The following PPFIBP2 variants were observed in gnomAD, a reference collection of about 807,000 sequenced individuals.
PPFIBP2 encodes the protein liprin-beta-2.
PPFIBP2 carries 118 observed loss-of-function variants against 118.3 expected under a neutral mutation model. The ratio of observed to expected loss-of-function variants is 1.00; its 90% CI spans 0.86 to 1.16. The LOEUF (loss-of-function observed/expected upper bound fraction) is 1.16, where lower values mean the gene tolerates loss of function less well. Among genes scored for constraint, PPFIBP2 ranks in the 50% most tolerant of loss-of-function variants. PPFIBP2 has a pLI of 0.00. For missense variants in PPFIBP2, 1,195 were observed against 1,073.1 expected (o/e 1.11, Z -1.59); for synonymous variants, 414 against 397.4 (o/e 1.04, Z -0.50).
intron 22 of PPFIBP2, 161 bp from the exon 23 acceptor site, chr11:7,651,495 C>T: frequency 4.8e-6 from 3 of 623,166 alleles, no homozygotes; most frequent in Admixed American, 5.8e-5. Context: ...GAGCCAGGCC[C>T]TGTGCCAGCC....
At chr11:7,590,967 C>A (rs190587089) in intron 3 of PPFIBP2, among the ~76,000 whole-genome samples, 1 of 152,156 alleles carries the variant, frequency 6.6e-6, no homozygotes, top group African/African-American at 2.4e-5. Flanking sequence ...TACTGATCTG[C>A]GGATCCTGTT....
chr11:7,651,863 CTGGGTGGGCCCT>C lies in PPFIBP2; in HGVS notation c.2436+20_2436+31del, dbSNP rs749157704. 5.0e-6 allele frequency: 8 copies of C among 1,598,774 alleles called. No homozygotes were observed. In the South Asian group the frequency reaches 8.9e-5, roughly 18 times the overall value. On this transcript the variant is annotated intron_variant, in intron 23 of 23. Transcript: ENST00000299492. Reference sequence around the variant, plus strand: ...AGTCCGGGTGAGTTGCAGAGCCTTTCTGGGTGGGCCCTGGGCTGCCTCCTGGCCCTCACGCAG... The same window carrying C: ...AGTCCGGGTGAGTTGCAGAGCCTTTCGGGCTGCCTCCTGGCCCTCACGCAG...
chr11:7,610,547 A>G (rs1264854928), intron 6 of PPFIBP2, 125 bp downstream of exon 6: 1 of 1,324,578 alleles, frequency 7.5e-7, no homozygotes, highest in South Asian at 1.4e-5. Flanking sequence ...TACACTAGAG[A>G]TGCAGTGATC....
rs749668174 is a variant in PPFIBP2, at chr11:7,593,118, T to TC, written c.280-13dup. The TC allele has an allele frequency of 1.9e-6, 3 of 1,607,002 alleles. No individual in the cohort carries two copies. The South Asian group carries it at 3.4e-5, about 18-fold the overall frequency. ...AACCTTTTAAGTGTATTCTTTTTTT[T>TC]CTGTCCTCTTTAGTCCCAGGTAAAC... On this transcript the variant is annotated splice_polypyrimidine_tract_variant and intron_variant, in intron 3 of 23. Transcript: ENST00000299492.
intron 6 of PPFIBP2, among the ~76,000 whole-genome samples, chr11:7,617,616 GT>G (rs1848818060): frequency 6.6e-6 from 1 of 152,154 alleles, no homozygotes. Context: ...CCCTTCTCAG[GT>G]ATGTGACTCA....
Position 7,653,057 on chromosome 11 carries a change from A to C in PPFIBP2, c.2470A>C (p.Ile824Leu), listed in dbSNP as rs1368387721. 2.5e-6 allele frequency: 4 copies of C among 1,613,054 alleles called. No homozygotes were observed. In the African/African-American group the frequency reaches 5.3e-5, roughly 22 times the overall value. ...RKLGFSHFGNIRKKKFDESTD... is the reference protein window; with the variant it reads ...RKLGFSHFGNLRKKKFDESTD... Reference sequence around the variant, plus strand: ...ACTAGGATTTTCACACTTCGGAAACATAAGAAAAAAGAAGTTCGATGAATC... The same window carrying C: ...ACTAGGATTTTCACACTTCGGAAACCTAAGAAAAAAGAAGTTCGATGAATC... Residue 824 changes from isoleucine (I) to leucine (L), a missense_variant, in exon 24 of 24, where the codon ATA becomes CTA. Transcript: ENST00000299492.
intron 3 of PPFIBP2, among the ~76,000 whole-genome samples, chr11:7,589,418 C>G (rs1858822461): frequency 1.3e-5 from 2 of 152,092 alleles, no homozygotes; most frequent in Non-Finnish European, 2.9e-5. Context: ...GTGGTGAAAC[C>G]CCATCTCTAC....
At chr11:7,557,067 G>A (rs1564969664) in intron 2 of PPFIBP2, among the ~76,000 whole-genome samples, 1 of 152,122 alleles carries the variant, frequency 6.6e-6, no homozygotes, top group Admixed American at 6.5e-5. Context: ...CTGAAGAATT[G>A]TGTTGGACCT....
chr11:7,591,270 C>T (rs1032198257), intron 3 of PPFIBP2, among the ~76,000 whole-genome samples: 1 of 151,914 alleles, frequency 6.6e-6, no homozygotes, highest in African/African-American at 2.4e-5. Flanking sequence ...GGTCTTCTCT[C>T]CTTCATTTCC....
At chr11:7,558,457 G>A (rs577078681) in intron 2 of PPFIBP2, among the ~76,000 whole-genome samples, 3 of 152,282 alleles carry the variant, frequency 2.0e-5, no homozygotes, top group South Asian at 2.1e-4. Flanking sequence ...TTTCGAAAGC[G>A]ATCATTAAAA....
intron 4 of PPFIBP2, chr11:7,597,092 A>C: frequency 8.2e-7 from 1 of 1,216,048 alleles, no homozygotes; most frequent in Non-Finnish European, 1.1e-6. Flanking sequence ...GCATCAAAAC[A>C]CTCACCTGAT....
At chr11:7,549,837 T>C (rs1037690717) in intron 2 of PPFIBP2, among the ~76,000 whole-genome samples, 5 of 152,180 alleles carry the variant, frequency 3.3e-5, no homozygotes, top group African/African-American at 1.2e-4. Flanking sequence ...TGAGACTGAT[T>C]CTAATGTAAA....
intron 1 of PPFIBP2, among the ~76,000 whole-genome samples, chr11:7,522,243 G>A (rs1474948224): frequency 6.6e-6 from 1 of 152,174 alleles, no homozygotes; most frequent in Non-Finnish European, 1.5e-5. Flanking sequence ...TTTGGTGACT[G>A]ATTGTATTTG....
chr11:7,538,323 C>T (rs985728487), intron 1 of PPFIBP2: 2 of 152,544 alleles, frequency 1.3e-5, no homozygotes, highest in African/African-American at 4.8e-5. Context: ...CAGCTAGGCT[C>T]AGAGGGAGTC....
chr11:7,582,113 C>T lies in PPFIBP2; in HGVS notation c.280-11019C>T, dbSNP rs369755784. On this transcript the variant is annotated intron_variant, in intron 3 of 23. Coordinates refer to ENST00000299492, the MANE Select transcript of PPFIBP2 (RefSeq NM_003621.5). ...TCAGCCTCCCAAAGTGCTGGGATTA[C>T]AGGCGTGAGCCACCGTGCCCAGCCA... 5.3e-4 allele frequency among the ~76,000 whole-genome samples: 79 copies of T among 149,728 alleles called. 1 individual carries two copies. The highest frequency in any genetic ancestry group is 1.9e-3 in the African/African-American group (79 of 40,652).
At chr11:7,656,249 A>C (rs1450564428), downstream of PPFIBP2, among the ~76,000 whole-genome samples, 1 of 152,186 alleles carries the variant, frequency 6.6e-6, no homozygotes, top group African/African-American at 2.4e-5. Context: ...TGGACATTCC[A>C]TCACTGAGCC....
chr11:7,542,436 A>G (rs1238659076), intron 1 of PPFIBP2, among the ~76,000 whole-genome samples: 2 of 152,146 alleles, frequency 1.3e-5, no homozygotes, highest in African/African-American at 4.8e-5. Flanking sequence ...ATATCCACAC[A>G]ATTTAAAGAC....
rs771734198 is a variant in PPFIBP2 at position 7,565,796 on chromosome 11, C to G, written c.279+29C>G. On this transcript the variant is annotated intron_variant, in intron 3 of 23. Coordinates refer to ENST00000299492, the MANE Select transcript of PPFIBP2 (RefSeq NM_003621.5). ...AGTAGTCCCGTGGCCTGATTGGGAA[C>G]CACTGGGGAATGTAATGGTGCAGCC... 5 of 1,608,302 alleles carry G rather than the reference C, an allele frequency of 3.1e-6. No individual in the cohort carries two copies. The South Asian group carries it at 5.5e-5, about 18-fold the overall frequency.
At chr11:7,572,357 C>T (rs73411121) in intron 3 of PPFIBP2, among the ~76,000 whole-genome samples, 8,896 of 152,252 alleles carry the variant, frequency 0.058, 834 homozygotes, top group African/African-American at 0.2. Context: ...TTAGCAGTTT[C>T]AATTTTCCTG....
Sources: allele counts gnomAD v4.1 joint callset (sites outside exome capture counted in the v4.1 genomes callset), GRCh38; gene constraint gnomAD v4.1.1; transcripts MANE v1.5; gene names NCBI Gene and HGNC (gene_info 2026-07-23, HGNC 2026-07-21).